The following GALNT18 variants were observed in gnomAD, a reference collection of about 807,000 sequenced individuals.
GALNT18 encodes GalNAc-transferase 18.
A neutral mutation model predicts 69.5 loss-of-function variants in GALNT18; 44 were observed. The observed-to-expected ratio is 0.63, with a 90% CI of 0.50 to 0.81. GALNT18 has a LOEUF of 0.81. Ranked by LOEUF, GALNT18 falls within the 40% of genes least tolerant of loss-of-function variation. GALNT18 has a pLI of 0.00. For synonymous variants in GALNT18, 364 were observed against 318.2 expected (o/e 1.14, Z -1.53); for missense variants, 715 against 810.0 (o/e 0.88, Z 1.42).
intron 1 of GALNT18, among the ~76,000 whole-genome samples, chr11:11,478,907 C>A (rs548309789): frequency 1.3e-5 from 2 of 152,110 alleles, no homozygotes; most frequent in Admixed American, 6.6e-5. Flanking sequence ...CTGTCTCTTG[C>A]GGCATCTCGG....
chr11:11,511,434 G>A lies in GALNT18; in HGVS notation c.236-62498C>T, dbSNP rs934337387. ...GCCAGTCCCCTACAGCTAACAGAGC[G>A]ACCCCATACATGTGATCCCCAGAAT... On this transcript the variant is annotated intron_variant, in intron 1 of 10. Coordinates refer to ENST00000227756, the MANE Select transcript of GALNT18 (RefSeq NM_198516.3). The surrounding 1 kb of genome is among the most constrained non-coding windows in gnomAD (Gnocchi z 4.9). Among the ~76,000 whole-genome samples, 6 of 152,100 alleles carry A rather than the reference G, an allele frequency of 3.9e-5. No homozygotes were observed. Among genetic ancestry groups the A allele is most frequent in the African/African-American group, 9.7e-5 (4 of 41,422 alleles).
chr11:11,358,908 C>T (rs957008854), intron 6 of GALNT18, among the ~76,000 whole-genome samples: 1 of 138,296 alleles, frequency 7.2e-6, no homozygotes, highest in African/African-American at 2.7e-5. Context: ...TGAACTCCAG[C>T]TGGCTTGAGC....
At position 11,271,073 on chromosome 11, in the gene GALNT18, G is replaced by A. The variant is rs573977160; in HGVS notation, c.*71C>T. The A allele has an allele frequency of 2.0e-4, 301 of 1,473,148 alleles. No individual in the cohort carries two copies. The African/African-American group carries it at 3.6e-3, about 17-fold the overall frequency. The allele number at this position is 1,473,148 out of a possible 1,614,324, so 91.3% of individuals were successfully genotyped here. On this transcript the variant is annotated 3_prime_UTR_variant, in exon 11 of 11. Transcript: ENST00000227756. The stretch of plus-strand genomic sequence containing the variant: ...TTCCCCAGACTCCAAACAACCCCAC[G>A]TGGACAGCAGGCAACGTTGCAGCAG...
At chr11:11,343,061 T>A (rs1850239039) in intron 6 of GALNT18, among the ~76,000 whole-genome samples, 1 of 152,188 alleles carries the variant, frequency 6.6e-6, no homozygotes, top group Admixed American at 6.5e-5. Context: ...AGAACGTCCC[T>A]TGCCAGTTGC....
rs981705929 is a variant in GALNT18 at position 11,524,105 on chromosome 11, C to T, written c.236-75169G>A. ...CCAAGTCATAGACCTGGCCCTAAAT[C>T]CAAGAAAGGCTAGAAATCACTTATC... On this transcript the variant is annotated intron_variant, in intron 1 of 10. Transcript: ENST00000227756. Among the ~76,000 whole-genome samples, 13 of 152,156 alleles carry T rather than the reference C, an allele frequency of 8.5e-5. 1 individual carries two copies. Among genetic ancestry groups the T allele is most frequent in the South Asian group, 8.3e-4 (4 of 4,810 alleles).
intron 1 of GALNT18, among the ~76,000 whole-genome samples, chr11:11,503,241 C>T (rs1465508535): frequency 6.6e-6 from 1 of 152,122 alleles, no homozygotes; most frequent in Non-Finnish European, 1.5e-5. Flanking sequence ...GCCTAATTCC[C>T]AGAGCCAGCT....
intron 6 of GALNT18, among the ~76,000 whole-genome samples, chr11:11,365,442 T>G (rs1161550823): frequency 6.6e-6 from 1 of 152,206 alleles, no homozygotes; most frequent in East Asian, 1.9e-4. Flanking sequence ...TTGTAAATAG[T>G]GCTGCAATAA....
chr11:11,390,780 G>A (rs1246994019), intron 3 of GALNT18, among the ~76,000 whole-genome samples: 1 of 152,138 alleles, frequency 6.6e-6, no homozygotes, highest in African/African-American at 2.4e-5. Context: ...TGGCCTTCCC[G>A]TTTTTCTTTC....
At chr11:11,412,101 C>A (rs2133758401) in intron 3 of GALNT18, among the ~76,000 whole-genome samples, 1 of 152,312 alleles carries the variant, frequency 6.6e-6, no homozygotes, top group Non-Finnish European at 1.5e-5. Context: ...ACACCAAGAG[C>A]ATCCACTATA....
rs901094505 is a variant in GALNT18 at position 11,454,755 on chromosome 11, T to A, written c.236-5819A>T. Among the ~76,000 whole-genome samples, 1 of 151,810 alleles carries A rather than the reference T, an allele frequency of 6.6e-6. No homozygotes were observed. The highest frequency in any genetic ancestry group is 2.4e-5 in the African/African-American group (1 of 41,320). On this transcript the variant is annotated intron_variant, in intron 1 of 10. Coordinates refer to ENST00000227756, the MANE Select transcript of GALNT18 (RefSeq NM_198516.3). The surrounding 1 kb of genome is among the most constrained non-coding windows in gnomAD (Gnocchi z 4.2). ...TCCTTCCTTGAAACCCAGCCTGCGG[T>A]GTCCTCAAAGCTCTGGCAGACACGT...
chr11:11,371,861 T>C (rs1481130957), intron 6 of GALNT18, among the ~76,000 whole-genome samples: 1 of 152,176 alleles, frequency 6.6e-6, no homozygotes, highest in Non-Finnish European at 1.5e-5. Context: ...AGCCTAGGAA[T>C]TGTTCCTGTA....
In GALNT18 at chr11:11,614,448, C is replaced by G. The variant is rs923408297; in HGVS notation, c.235+6911G>C. 4.6e-5 allele frequency among the ~76,000 whole-genome samples: 7 copies of G among 152,080 alleles called. No individual in the cohort carries two copies. The highest frequency in any genetic ancestry group is 8.8e-5 in the Non-Finnish European group (6 of 68,014). On this transcript the variant is annotated intron_variant, in intron 1 of 10. Coordinates refer to ENST00000227756, the MANE Select transcript of GALNT18 (RefSeq NM_198516.3). This position sits in a 1 kb window ranked among gnomAD's most constrained non-coding sequence, Gnocchi z 5.6. ...CAACCAGCTCTTGAATGAACAAATACAGCAAGAACTCATTCATTACCAGGA... is the reference window on the plus strand; with the variant it reads ...CAACCAGCTCTTGAATGAACAAATAGAGCAAGAACTCATTCATTACCAGGA...
rs144524331 is a variant in GALNT18, at chr11:11,340,735, T to C, written c.1278+84A>G. 1.6e-3 allele frequency: 2,117 copies of C among 1,321,482 alleles called. 5 individuals carry two copies. Among genetic ancestry groups the C allele is most frequent in the Non-Finnish European group, 1.8e-3 (1,735 of 957,508 alleles). 81.9% of individuals were successfully genotyped at this position (1,321,482 alleles called of 1,614,324 possible). The stretch of plus-strand genomic sequence containing the variant: ...GGCAAACAGGACTCTGGCTGACCCA[T>C]AGGAAGAAGGGTTCGGTCCCATATC... On this transcript the variant is annotated intron_variant, in intron 7 of 10. Transcript: ENST00000227756. This position sits in a 1 kb window ranked among gnomAD's most constrained non-coding sequence, Gnocchi z 4.2.
At chr11:11,552,199 G>T (rs539274626) in intron 1 of GALNT18, among the ~76,000 whole-genome samples, 6 of 152,346 alleles carry the variant, frequency 3.9e-5, no homozygotes, top group African/African-American at 1.4e-4. Context: ...TTCAACAAGA[G>T]GCAGGGTTTC....
At chr11:11,401,950 A>C (rs1022757457) in intron 3 of GALNT18, among the ~76,000 whole-genome samples, 1 of 152,102 alleles carries the variant, frequency 6.6e-6, no homozygotes. Context: ...AGGGCTTTAC[A>C]GAAGCACTGG....
Position 11,293,702 on chromosome 11 carries a change from C to T in GALNT18, c.1513-509G>A, listed in dbSNP as rs12223208. Among the ~76,000 whole-genome samples, 283 of 151,918 alleles carry T rather than the reference C, an allele frequency of 1.9e-3. 3 individuals carry two copies. Among genetic ancestry groups the T allele is most frequent in the African/African-American group, 6.5e-3 (269 of 41,404 alleles). On this transcript the variant is annotated intron_variant, in intron 9 of 10. Transcript: ENST00000227756. ...GATTACAGATGCGCACCACCATGCC[C>T]GGCTAATTTTTGTATTTTTAGTAGA...
At chr11:11,416,155 C>T (rs904063815) in intron 3 of GALNT18, among the ~76,000 whole-genome samples, 1 of 152,188 alleles carries the variant, frequency 6.6e-6, no homozygotes, top group African/African-American at 2.4e-5. Flanking sequence ...GAGGCCTCGT[C>T]CAATGCAGAC....
chr11:11,293,669 G>A (rs1370465252), intron 9 of GALNT18, among the ~76,000 whole-genome samples: 1 of 151,366 alleles, frequency 6.6e-6, no homozygotes, highest in Non-Finnish European at 1.5e-5. Context: ...CGTCTCCTGA[G>A]TAGCTGGGAT....
intron 2 of GALNT18, among the ~76,000 whole-genome samples, chr11:11,434,267 T>C (rs922897085): frequency 1.3e-5 from 2 of 152,194 alleles, no homozygotes; most frequent in Admixed American, 6.5e-5. Flanking sequence ...GTTGACCCTT[T>C]TCCTAAATCT....
Sources: allele counts gnomAD v4.1 joint callset (sites outside exome capture counted in the v4.1 genomes callset), GRCh38; gene constraint gnomAD v4.1.1; non-coding constraint Gnocchi (gnomAD v3.1); transcripts MANE v1.5; gene names NCBI Gene and HGNC (gene_info 2026-07-23, HGNC 2026-07-21).